The following TSHR variants were observed in gnomAD, a reference collection of about 807,000 sequenced individuals.
The protein encoded by TSHR is thyroid stimulating hormone receptor, also known as thyrotropin receptor.
TSHR carries 51 observed loss-of-function variants against 64.1 expected under a neutral mutation model. That is an observed-to-expected ratio of 0.80 (90% CI 0.64 to 1.01). The LOEUF is 1.01. Ranked by LOEUF, TSHR falls within the 50% of genes least tolerant of loss-of-function variation. The probability of loss-of-function intolerance (pLI) is 0.00; values close to 1 mark genes in which losing one functional copy is unlikely to be tolerated. For synonymous variants in TSHR, 361 were observed against 361.9 expected (o/e 1.00, Z 0.03); for missense variants, 877 against 942.8 (o/e 0.93, Z 0.91).
At chr14:80,956,020 C>T in intron 1 of TSHR, 170 bp downstream of exon 1, 1 of 768,626 alleles carries the variant, frequency 1.3e-6, no homozygotes, top group Non-Finnish European at 2.2e-6. Flanking sequence ...AAAACTTAAT[C>T]GCCCACACTT....
intron 1 of TSHR, among the ~76,000 whole-genome samples, chr14:80,980,751 G>T (rs558062346): frequency 6.6e-6 from 1 of 152,108 alleles, no homozygotes; most frequent in South Asian, 2.1e-4. Flanking sequence ...ATGTAAGTTG[G>T]ATCATCCATC....
chr14:80,985,916 A>G (rs1888424979), intron 1 of TSHR, among the ~76,000 whole-genome samples: 1 of 152,176 alleles, frequency 6.6e-6, no homozygotes, highest in African/African-American at 2.4e-5. Flanking sequence ...TTTTGTAGCA[A>G]TATCTTAATT....
At chr14:81,122,254 G>T (rs921749282) in intron 8 of TSHR, among the ~76,000 whole-genome samples, 3 of 151,324 alleles carry the variant, frequency 2.0e-5, no homozygotes, top group African/African-American at 7.3e-5. Context: ...TGTTGGCCAG[G>T]CTGGTCTCGA....
At chr14:81,013,118 A>G (rs996762360) in intron 1 of TSHR, 3 of 152,252 alleles carry the variant, frequency 2.0e-5, no homozygotes, top group Non-Finnish European at 2.9e-5. Flanking sequence ...TGATTTTTGT[A>G]TAAGGTGTAA....
chr14:81,060,396 G>A (rs2139889321), intron 1 of TSHR, among the ~76,000 whole-genome samples: 1 of 152,154 alleles, frequency 6.6e-6, no homozygotes, highest in East Asian at 1.9e-4. Flanking sequence ...AATAAAAGTG[G>A]GAGACCTTCA....
intron 3 of TSHR, chr14:81,087,634 A>G (rs546678688): frequency 1.9e-4 from 67 of 360,534 alleles, no homozygotes; most frequent in South Asian, 1.7e-3. Flanking sequence ...AAATCATTGG[A>G]GGGATTTTTC....
At chr14:81,096,987 G>C (rs572673346) in intron 7 of TSHR, among the ~76,000 whole-genome samples, 1 of 150,154 alleles carries the variant, frequency 6.7e-6, no homozygotes, top group South Asian at 2.1e-4. Flanking sequence ...GAAGTAAAAG[G>C]ATATCTTTAA....
chr14:81,039,594 T>A (rs568554443), intron 1 of TSHR, among the ~76,000 whole-genome samples: 2 of 152,022 alleles, frequency 1.3e-5, no homozygotes, highest in African/African-American at 4.8e-5. Context: ...ACCATAAAAC[T>A]ATTAGAACTA....
chr14:80,982,510 G>C, intron 1 of TSHR: 1 of 1,043,176 alleles, frequency 9.6e-7, no homozygotes, highest in Non-Finnish European at 1.3e-6. Context: ...GAATGTCATT[G>C]GGAACTGGTT....
intron 1 of TSHR, among the ~76,000 whole-genome samples, chr14:81,009,415 C>T (rs930025389): frequency 3.4e-5 from 5 of 148,932 alleles, no homozygotes; most frequent in East Asian, 2.0e-4. Flanking sequence ...TACCCCTATG[C>T]GCCCACCTCC....
chr14:81,030,976 A>C (rs1376380005), intron 1 of TSHR, among the ~76,000 whole-genome samples: 2 of 152,160 alleles, frequency 1.3e-5, no homozygotes, highest in South Asian at 2.1e-4. Context: ...AATCACAACA[A>C]GATAAGACTT....
intron 1 of TSHR, among the ~76,000 whole-genome samples, chr14:80,962,523 A>C (rs900871802): frequency 2.0e-5 from 3 of 152,198 alleles, no homozygotes; most frequent in Admixed American, 6.5e-5. Flanking sequence ...ACCCTCATTC[A>C]CTATGGACTC....
chr14:80,982,352 G>A, intron 1 of TSHR: 2 of 1,235,746 alleles, frequency 1.6e-6, no homozygotes, highest in Non-Finnish European at 2.3e-6. Context: ...ATCAATTCCT[G>A]GTTCTGAAAT....
At chr14:80,984,292 A>C (rs541629459) in intron 1 of TSHR, among the ~76,000 whole-genome samples, 2 of 152,332 alleles carry the variant, frequency 1.3e-5, no homozygotes, top group African/African-American at 4.8e-5. Context: ...ATAACTCTTA[A>C]ATTGTCAGGC....
chr14:81,132,929 T>C (rs1405158694), intron 8 of TSHR, among the ~76,000 whole-genome samples: 1 of 152,170 alleles, frequency 6.6e-6, no homozygotes, highest in African/African-American at 2.4e-5. Context: ...AATCCTGGAT[T>C]TGAAGTAACC....
intron 8 of TSHR, 89 bp downstream of exon 8, chr14:81,108,541 T>G: frequency 6.2e-7 from 1 of 1,606,102 alleles, no homozygotes; most frequent in Non-Finnish European, 8.5e-7. Flanking sequence ...GAGAATCTTA[T>G]GTTCAAGGGT....
chr14:81,005,197 TTGTGTGTGTGTGTGTGTGTGTGTG>T (rs71103894), intron 1 of TSHR, among the ~76,000 whole-genome samples: 26 of 149,900 alleles, frequency 1.7e-4, no homozygotes, highest in African/African-American at 5.4e-4. Context: ...ACTCAAGCCT[TTGTGTGTGTGTGTGTGTGTGTGTG>T]TGTGTGTGTG....
intron 9 of TSHR, among the ~76,000 whole-genome samples, chr14:81,140,079 G>A (rs902007754): frequency 1.6e-4 from 24 of 152,214 alleles, no homozygotes; most frequent in African/African-American, 4.8e-4. Flanking sequence ...CTGGATAGCG[G>A]TAGAGCAGAG....
At chr14:81,060,344 C>T (rs936234929) in intron 1 of TSHR, among the ~76,000 whole-genome samples, 9 of 152,206 alleles carry the variant, frequency 5.9e-5, no homozygotes, top group African/African-American at 2.2e-4. Flanking sequence ...TTGTTCTTCT[C>T]ATATCTTTTT....
Sources: allele counts gnomAD v4.1 joint callset (sites outside exome capture counted in the v4.1 genomes callset), GRCh38; gene constraint gnomAD v4.1.1; transcripts MANE v1.5; gene names NCBI Gene and HGNC (gene_info 2026-07-23, HGNC 2026-07-21).